The following EEF1AKMT1 variants were observed in gnomAD, a reference collection of about 807,000 sequenced individuals.
The protein encoded by EEF1AKMT1 is N-6 adenine-specific DNA methyltransferase 2 (putative).
A neutral mutation model predicts 21.0 loss-of-function variants in EEF1AKMT1; 18 were observed. That is an observed-to-expected ratio of 0.86 (90% CI 0.59 to 1.27). EEF1AKMT1 has a LOEUF of 1.27. EEF1AKMT1 is among the 50% of genes most tolerant of loss of function. EEF1AKMT1 has a pLI of 0.00. For missense variants in EEF1AKMT1, 246 were observed against 258.6 expected, an observed-to-expected ratio of 0.95 and a Z score of 0.33; for synonymous variants, 109 against 94.8, an observed-to-expected ratio of 1.15 and a Z score of -0.87.
At chr13:20,730,563 A>G (rs1056479807) in intron 4 of EEF1AKMT1, among the ~76,000 whole-genome samples, 3 of 152,124 alleles carry the variant, frequency 2.0e-5, no homozygotes, top group Non-Finnish European at 4.4e-5. Flanking sequence ...GTGCAGTGGC[A>G]CCATCAGAGC....
At chr13:20,750,107 C>T (rs931665687) in intron 2 of EEF1AKMT1, among the ~76,000 whole-genome samples, 3 of 152,096 alleles carry the variant, frequency 2.0e-5, no homozygotes, top group Non-Finnish European at 2.9e-5. Context: ...TTATGGGATA[C>T]ATGTGATATT....
chr13:20,730,421 A>G (rs1171580915), intron 4 of EEF1AKMT1, among the ~76,000 whole-genome samples: 1 of 152,216 alleles, frequency 6.6e-6, no homozygotes, highest in Non-Finnish European at 1.5e-5. Context: ...ACTGGGGTAT[A>G]GCGTCCACAA....
chr13:20,734,667 C>T (rs2058816775), intron 3 of EEF1AKMT1, among the ~76,000 whole-genome samples: 1 of 151,904 alleles, frequency 6.6e-6, no homozygotes, highest in African/African-American at 2.4e-5. Context: ...GATCTTGGCT[C>T]ACTACAAGCT....
chr13:20,748,406 A>G (rs1053823288), intron 2 of EEF1AKMT1, among the ~76,000 whole-genome samples: 7 of 151,162 alleles, frequency 4.6e-5, no homozygotes, highest in Non-Finnish European at 8.8e-5. Flanking sequence ...CTGCACTCCA[A>G]CCTGGGCGAC....
At chr13:20,763,249 T>G (rs2059010158) in intron 1 of EEF1AKMT1, among the ~76,000 whole-genome samples, 1 of 152,124 alleles carries the variant, frequency 6.6e-6, no homozygotes, top group South Asian at 2.1e-4. Flanking sequence ...TTTTTTTCAG[T>G]GAAATCATGT....
At chr13:20,729,986 C>T (rs551809261) in intron 4 of EEF1AKMT1, among the ~76,000 whole-genome samples, 2 of 152,336 alleles carry the variant, frequency 1.3e-5, no homozygotes, top group South Asian at 2.1e-4. Context: ...CCAATGCCCA[C>T]GGTCCCCTGT....
At chr13:20,732,651 G>C (rs372632010) in intron 3 of EEF1AKMT1, among the ~76,000 whole-genome samples, 1 of 152,030 alleles carries the variant, frequency 6.6e-6, no homozygotes, top group African/African-American at 2.4e-5. Flanking sequence ...ATAATTTTGA[G>C]GTATGAAAGG....
At chr13:20,747,839 A>G (rs2058915871) in intron 2 of EEF1AKMT1, 1 of 165,870 alleles carries the variant, frequency 6.0e-6, no homozygotes, top group African/African-American at 2.4e-5. Flanking sequence ...TATAATAGCC[A>G]TCTCTCACTC....
intron 1 of EEF1AKMT1, among the ~76,000 whole-genome samples, chr13:20,764,120 C>T (rs781401539): frequency 1.3e-5 from 2 of 152,160 alleles, no homozygotes; most frequent in African/African-American, 2.4e-5. Context: ...CTTCCTTCTA[C>T]TTGCTTTGCA....
At chr13:20,760,935 C>T (rs1222309612) in intron 1 of EEF1AKMT1, among the ~76,000 whole-genome samples, 1 of 152,156 alleles carries the variant, frequency 6.6e-6, no homozygotes, top group Non-Finnish European at 1.5e-5. Flanking sequence ...GAAATAATCA[C>T]AGATTCACAG....
chr13:20,734,362 G>T (rs528636685), intron 3 of EEF1AKMT1, among the ~76,000 whole-genome samples: 1 of 152,148 alleles, frequency 6.6e-6, no homozygotes, highest in African/African-American at 2.4e-5. Flanking sequence ...CAGAGAACCT[G>T]TGTTGAAAGC....
intron 2 of EEF1AKMT1, among the ~76,000 whole-genome samples, chr13:20,738,064 G>GA (rs1223727708): frequency 1.3e-5 from 2 of 152,082 alleles, no homozygotes; most frequent in East Asian, 3.9e-4. Flanking sequence ...ACCACAAAAG[G>GA]AGACAACCAA....
intron 2 of EEF1AKMT1, among the ~76,000 whole-genome samples, chr13:20,754,741 CAAAAAAAAA>C: frequency 1.7e-5 from 2 of 116,556 alleles, no homozygotes; most frequent in South Asian, 5.5e-4. Context: ...ACCAAAAATA[CAAAAAAAAA>C]AAAAAAAAAA....
At chr13:20,768,462 G>A (rs2141441308) in intron 1 of EEF1AKMT1, among the ~76,000 whole-genome samples, 1 of 152,298 alleles carries the variant, frequency 6.6e-6, no homozygotes, top group Admixed American at 6.5e-5. Flanking sequence ...GTCAGGTATT[G>A]TTCCTTCAAA....
At chr13:20,738,640 T>C (rs150001323) in intron 2 of EEF1AKMT1, among the ~76,000 whole-genome samples, 1 of 152,174 alleles carries the variant, frequency 6.6e-6, no homozygotes, top group African/African-American at 2.4e-5. Flanking sequence ...CAATGAAATA[T>C]TATTTGGCCA....
intron 1 of EEF1AKMT1, among the ~76,000 whole-genome samples, chr13:20,763,603 C>G (rs1026780694): frequency 2.0e-5 from 3 of 152,080 alleles, no homozygotes; most frequent in African/African-American, 7.2e-5. Context: ...CAGGTGCCTA[C>G]CACCCACCCT....
chr13:20,748,353 T>A (rs2058919681), intron 2 of EEF1AKMT1, among the ~76,000 whole-genome samples: 1 of 150,830 alleles, frequency 6.6e-6, no homozygotes, highest in African/African-American at 2.4e-5. Flanking sequence ...GAGAATGGCG[T>A]GAACCCAGGA....
At chr13:20,740,676 G>A (rs1595016592) in intron 2 of EEF1AKMT1, among the ~76,000 whole-genome samples, 1 of 152,162 alleles carries the variant, frequency 6.6e-6, no homozygotes, top group East Asian at 1.9e-4. Flanking sequence ...GGTAGCATGT[G>A]CCTGTAATCC....
intron 2 of EEF1AKMT1, among the ~76,000 whole-genome samples, chr13:20,738,320 C>T (rs1352821398): frequency 6.6e-6 from 1 of 152,204 alleles, no homozygotes; most frequent in African/African-American, 2.4e-5. Flanking sequence ...CCCTTGGGGG[C>T]AAGTTTGTTT....
Sources: gnomAD v4.1 joint callset for allele counts (sites outside exome capture counted in the v4.1 genomes callset) on GRCh38, gnomAD v4.1.1 for gene constraint, MANE v1.5 for transcripts, NCBI Gene and HGNC (gene_info 2026-07-23, HGNC 2026-07-21) for gene names.